GRIA2: variants seen among roughly 807,000 people sequenced by gnomAD.
The protein encoded by GRIA2 is glutamate ionotropic receptor AMPA type subunit 2, also known as glutamate receptor 2.
In GRIA2, 14 loss-of-function variants were observed where a neutral mutation model predicts 97.3. The observed-to-expected ratio is 0.14, with a 90% CI of 0.10 to 0.23. The LOEUF (loss-of-function observed/expected upper bound fraction) is 0.23. Ranked by LOEUF, GRIA2 falls within the 10% of genes least tolerant of loss-of-function variation. The pLI, the probability that GRIA2 is intolerant of heterozygous loss-of-function variation, is 1.00. For missense variants in GRIA2, 558 were observed against 1,069.8 expected (o/e 0.52, Z 6.67); for synonymous variants, 412 against 387.8 (o/e 1.06, Z -0.73).
At chr4:157,236,602 C>G (rs1383126009) in intron 2 of GRIA2, among the ~76,000 whole-genome samples, 1 of 152,062 alleles carries the variant, frequency 6.6e-6, no homozygotes, top group Admixed American at 6.6e-5. Context: ...AAAGTGTTTG[C>G]ATTTAAAACT....
chr4:157,300,072 C>A (rs1391678275), intron 2 of GRIA2, among the ~76,000 whole-genome samples: 1 of 151,278 alleles, frequency 6.6e-6, no homozygotes, highest in Non-Finnish European at 1.5e-5. Flanking sequence ...GAGTTTATGA[C>A]ACGTTATTTC....
chr4:157,336,326 C>T, intron 10 of GRIA2, 51 bp from the exon 11 acceptor site: 1 of 1,426,824 alleles, frequency 7.0e-7, no homozygotes, highest in Non-Finnish European at 9.5e-7. Context: ...ACCACGATTC[C>T]TTTTTCACCA....
At chr4:157,237,666 A>G (rs1279826542) in intron 2 of GRIA2, among the ~76,000 whole-genome samples, 1 of 152,122 alleles carries the variant, frequency 6.6e-6, no homozygotes, top group Non-Finnish European at 1.5e-5. Flanking sequence ...GAAAATTAAA[A>G]CTGTATTACA....
intron 2 of GRIA2, among the ~76,000 whole-genome samples, chr4:157,250,216 A>G (rs1381271095): frequency 6.6e-6 from 1 of 152,144 alleles, no homozygotes; most frequent in Non-Finnish European, 1.5e-5. Context: ...ATATTGCTTC[A>G]TGGAAAGTAA....
intron 11 of GRIA2, among the ~76,000 whole-genome samples, chr4:157,340,357 T>C (rs1475045018): frequency 6.6e-6 from 1 of 151,946 alleles, no homozygotes; most frequent in Non-Finnish European, 1.5e-5. Flanking sequence ...TCCCATCAAA[T>C]CTTTCAAAAT....
chr4:157,283,814 T>C (rs1732717344), intron 2 of GRIA2, among the ~76,000 whole-genome samples: 1 of 151,894 alleles, frequency 6.6e-6, no homozygotes, highest in South Asian at 2.1e-4. Context: ...TCTTCATTGG[T>C]AAAATAGAGA....
chr4:157,350,078 G>A (rs1233618360), intron 12 of GRIA2, among the ~76,000 whole-genome samples: 1 of 151,928 alleles, frequency 6.6e-6, no homozygotes, highest in African/African-American at 2.4e-5. Context: ...ATTCTGTTTT[G>A]TTTTCATTGT....
intron 2 of GRIA2, among the ~76,000 whole-genome samples, chr4:157,281,340 G>A (rs1196480676): frequency 2.6e-5 from 4 of 151,888 alleles, no homozygotes; most frequent in East Asian, 1.9e-4. Flanking sequence ...TTGGGTACTC[G>A]GATCTGTCAT....
chr4:157,301,769 A>G (rs747844081), intron 2 of GRIA2, among the ~76,000 whole-genome samples: 3 of 152,092 alleles, frequency 2.0e-5, no homozygotes, highest in Non-Finnish European at 2.9e-5. Context: ...TTTTAAAAGG[A>G]TGGTAGATGT....
intron 2 of GRIA2, among the ~76,000 whole-genome samples, chr4:157,240,630 G>T (rs925930735): frequency 6.6e-6 from 1 of 151,498 alleles, no homozygotes; most frequent in African/African-American, 2.4e-5. Context: ...GAGGCTTGTT[G>T]TCTGAACCCG....
chr4:157,349,802 C>G (rs1243714825), intron 12 of GRIA2, among the ~76,000 whole-genome samples: 4 of 152,090 alleles, frequency 2.6e-5, no homozygotes, highest in Non-Finnish European at 4.4e-5. Context: ...TGAAAATGCC[C>G]TATTTCTGAA....
At chr4:157,282,536 G>C (rs1732652690) in intron 2 of GRIA2, among the ~76,000 whole-genome samples, 1 of 152,068 alleles carries the variant, frequency 6.6e-6, no homozygotes, top group South Asian at 2.1e-4. Context: ...CCTGGTAGAA[G>C]GATGATATGG....
At chr4:157,355,949 A>G (rs192854931) in intron 12 of GRIA2, among the ~76,000 whole-genome samples, 15,294 of 25,662 alleles carry the variant, frequency 0.6, 2,937 homozygotes, top group African/African-American at 0.65. Flanking sequence ...ATTAATATAT[A>G]TTTATATATT....
intron 12 of GRIA2, among the ~76,000 whole-genome samples, chr4:157,350,936 T>G (rs1299816378): frequency 6.7e-6 from 1 of 150,280 alleles, no homozygotes; most frequent in African/African-American, 2.4e-5. Flanking sequence ...TTTTTCTTTT[T>G]TTTTTTTTTT....
rs1560786931 is a variant in GRIA2 at position 157,365,710 on chromosome 4, GA to G, written c.*2283del. 1 of 151,932 alleles carries G rather than the reference GA, an allele frequency of 6.6e-6. No homozygotes were observed. Among genetic ancestry groups the G allele is most frequent in the East Asian group, 1.9e-4 (1 of 5,144 alleles). 9.4% of individuals were successfully genotyped at this position (151,932 alleles called of 1,614,324 possible). ...TAAATATGTCTGTGTGCATATAAGT[GA>G]AAAGTGGTCAAACAAGAGTGATGAC... On this transcript the variant is annotated 3_prime_UTR_variant, in exon 16 of 16. Coordinates refer to ENST00000264426, the MANE Select transcript of GRIA2 (RefSeq NM_001083619.3).
At chr4:157,283,344 G>T (rs998666036) in intron 2 of GRIA2, among the ~76,000 whole-genome samples, 3 of 151,882 alleles carry the variant, frequency 2.0e-5, no homozygotes, top group Non-Finnish European at 2.9e-5. Flanking sequence ...CAGAAGGGGC[G>T]TATCTCCTAG....
chr4:157,297,474 G>C (rs1733401224), intron 2 of GRIA2, among the ~76,000 whole-genome samples: 1 of 152,120 alleles, frequency 6.6e-6, no homozygotes, highest in South Asian at 2.1e-4. Context: ...TTCAGCTTAT[G>C]TTTACTTTAA....
At position 157,277,834 on chromosome 4, in the gene GRIA2, GTA is replaced by G. The variant is rs368767190; in HGVS notation, c.230-25708_230-25707del. Among the ~76,000 whole-genome samples, 431 of 73,624 alleles carry G rather than the reference GTA, an allele frequency of 5.9e-3. 2 individuals are homozygous for G. The highest frequency in any genetic ancestry group is 0.016 in the African/African-American group (256 of 16,264). The allele number at this position is 73,624 out of a possible 152,430, so 48.3% of individuals were successfully genotyped here. On this transcript the variant is annotated intron_variant, in intron 2 of 15. Transcript: ENST00000264426. ...GTATGCTATATATATATGTATATAT[GTA>G]TATATATATGTATATATGTATATAT...
At chr4:157,252,598 A>G (rs1731064539) in intron 2 of GRIA2, among the ~76,000 whole-genome samples, 2 of 152,120 alleles carry the variant, frequency 1.3e-5, no homozygotes, top group Non-Finnish European at 2.9e-5. Flanking sequence ...ATAATGAATT[A>G]TGGCAACATT....
Sources: gnomAD v4.1 joint callset for allele counts (sites outside exome capture counted in the v4.1 genomes callset) on GRCh38, gnomAD v4.1.1 for gene constraint, MANE v1.5 for transcripts, NCBI Gene and HGNC (gene_info 2026-07-23, HGNC 2026-07-21) for gene names.